The following ADRA2A variants were observed in gnomAD, a reference collection of about 807,000 sequenced individuals.
ADRA2A encodes adrenoceptor alpha 2A.
Under a neutral mutation model 5.9 loss-of-function variants are expected in ADRA2A, and 6 were observed. The observed-to-expected ratio is 1.01, with a 90% CI of 0.55 to 2.00. The LOEUF is 2.00. Ranked by LOEUF, ADRA2A falls within the 30% of genes most tolerant of loss-of-function variation. The pLI is 0.00. For synonymous variants in ADRA2A, 345 were observed against 325.9 expected, an observed-to-expected ratio of 1.06 and a Z score of -0.63; for missense variants, 647 against 690.0, an observed-to-expected ratio of 0.94 and a Z score of 0.70.
In ADRA2A at chr10:111,079,198, G is replaced by A. The variant is rs767408029; in HGVS notation, c.1202G>A (p.Cys401Tyr). 1.2e-6 allele frequency: 2 copies of A among 1,613,934 alleles called. No individual in the cohort carries two copies. The highest frequency in any genetic ancestry group is 1.7e-5 in the Admixed American group (1 of 60,014). The change falls in exon 1 of 1, where the codon TGC becomes TAC. Residue 401 changes from cysteine (C) to tyrosine (Y), a missense_variant. This residue lies in a region of ADRA2A where 577 missense variants were observed against 605.4 expected (regional missense o/e 0.95). Transcript: ENST00000280155. ...LAVVIGVFVV[C>Y]WFPFFFTYTL... ...GTGGTCATCGGAGTGTTCGTGGTGT[G>A]CTGGTTCCCCTTCTTCTTCACCTAC...
chr10:111,079,408 G>A lies in ADRA2A; in HGVS notation c.*14G>A. 2 of 1,612,974 alleles carry A rather than the reference G, an allele frequency of 1.2e-6. No homozygotes were observed. The highest frequency in any genetic ancestry group is 1.7e-6 in the Non-Finnish European group (2 of 1,179,640). ...CGGATCGTGTGAGGTTTCCGCTGGCGCCCGCGTAGACTCACGCTGACTGCA... is the reference window on the plus strand; with the variant it reads ...CGGATCGTGTGAGGTTTCCGCTGGCACCCGCGTAGACTCACGCTGACTGCA... On this transcript the variant is annotated 3_prime_UTR_variant, in exon 1 of 1. Coordinates refer to ENST00000280155, the MANE Select transcript of ADRA2A (RefSeq NM_000681.4).
chr10:111,079,207 CCTT>C lies in ADRA2A; in HGVS notation c.1219_1221del (p.Phe407del), dbSNP rs754345248. On this transcript the variant is annotated inframe_deletion, in exon 1 of 1. Transcript: ENST00000280155. ...GGAGTGTTCGTGGTGTGCTGGTTCC[CCTT>C]CTTCTTCACCTACACGCTCACGGCC... 9.3e-6 allele frequency: 15 copies of C among 1,613,952 alleles called. No individual in the cohort carries two copies. The highest frequency in any genetic ancestry group is 1.3e-5 in the African/African-American group (1 of 74,936).
Position 111,078,566 on chromosome 10 carries a change from G to GGGCGGC in ADRA2A, c.580_585dup (p.Gly194_Gly195dup), listed in dbSNP as rs763766164. ...CGCCGCTCATCTCCATCGAGAAGAAGGGCGGCGGCGGCGGCCCGCAGCCGG... is the reference window on the plus strand; with the variant it reads ...CGCCGCTCATCTCCATCGAGAAGAAGGGCGGCGGCGGCGGCGGCGGCCCGCAGCCGG... On this transcript the variant is annotated inframe_insertion, in exon 1 of 1. Transcript: ENST00000280155. 8.1e-6 allele frequency: 13 copies of GGGCGGC among 1,604,306 alleles called. No individual in the cohort carries two copies. The highest frequency in any genetic ancestry group is 8.5e-6 in the Non-Finnish European group (10 of 1,175,128).
In ADRA2A at chr10:111,078,130, T is replaced by C. The variant is rs1212376235; in HGVS notation, c.134T>C (p.Leu45Pro). Residue 45 changes from leucine (L) to proline (P), a missense_variant, in exon 1 of 1, where the codon CTG (leucine) becomes CCG (proline). Physicochemically the swap from Leu to Pro is moderately conservative, Grantham distance 98 (BLOSUM62 -3). This residue lies in a region of ADRA2A where 577 missense variants were observed against 605.4 expected (regional missense o/e 0.95). Coordinates refer to ENST00000280155, the MANE Select transcript of ADRA2A (RefSeq NM_000681.4). ...GGGARATPYSLQVTLTLVCLA... is the reference protein window; with the variant it reads ...GGGARATPYSPQVTLTLVCLA... ...GGCGCCCGGGCCACCCCTTACTCCC[T>C]GCAGGTGACGCTGACGCTGGTGTGC... 5 of 1,599,276 alleles carry C rather than the reference T, an allele frequency of 3.1e-6. No individual in the cohort carries two copies. In the African/African-American group the frequency reaches 6.7e-5, roughly 21 times the overall value.
At position 111,077,917 on chromosome 10, in the gene ADRA2A, GC is replaced by G; in HGVS notation, c.-78del. Reference sequence around the variant, plus strand: ...TGAGCCGCAGCCAGGCGAGCGGGGCGCCGGAGGAAGAGGAGGACCCACGGGC... The same window carrying G: ...TGAGCCGCAGCCAGGCGAGCGGGGCGCGGAGGAAGAGGAGGACCCACGGGC... On this transcript the variant is annotated 5_prime_UTR_variant, in exon 1 of 1. Coordinates refer to ENST00000280155, the MANE Select transcript of ADRA2A (RefSeq NM_000681.4). 7.6e-7 allele frequency: 1 copy of G among 1,320,022 alleles called. No homozygotes were observed. Among genetic ancestry groups the G allele is most frequent in the Non-Finnish European group, 9.6e-7 (1 of 1,043,064 alleles). 81.8% of individuals were successfully genotyped at this position (1,320,022 alleles called of 1,614,324 possible).
rs2134207963 is a variant in ADRA2A, at chr10:111,077,859, C to T, written c.-138C>T. 8.0e-7 allele frequency: 1 copy of T among 1,255,430 alleles called. No individual in the cohort carries two copies. Among genetic ancestry groups the T allele is most frequent in the Non-Finnish European group, 1.0e-6 (1 of 999,664 alleles). The allele number at this position is 1,255,430 out of a possible 1,614,324, so 77.8% of individuals were successfully genotyped here. On this transcript the variant is annotated 5_prime_UTR_variant, in exon 1 of 1. Transcript: ENST00000280155. ...ATGGGCCGCTAGCGGTCCTCCAGTT[C>T]GGGCCCGGCCTCCCTGCGGCCCCCT... is the stretch of plus-strand genomic sequence containing the variant.
chr10:111,078,715 G>T lies in ADRA2A; in HGVS notation c.719G>T (p.Arg240Leu), dbSNP rs375615894. The stretch of plus-strand genomic sequence containing the variant: ...GTGCGCATCTACCAGATCGCCAAGC[G>T]TCGCACCCGCGTGCCACCCAGCCGC... ...VYVRIYQIAK[R>L]RTRVPPSRRG... The change falls in exon 1 of 1, where the codon CGT becomes CTT. Residue 240 changes from arginine to leucine, a missense_variant. This residue lies in a region of ADRA2A where 577 missense variants were observed against 605.4 expected (regional missense o/e 0.95). Transcript: ENST00000280155. 7 of 1,517,636 alleles carry T rather than the reference G, an allele frequency of 4.6e-6. No homozygotes were observed. Among genetic ancestry groups the T allele is most frequent in the Non-Finnish European group, 6.2e-6 (7 of 1,137,598 alleles). The allele number at this position is 1,517,636 out of a possible 1,614,324, so 94.0% of individuals were successfully genotyped here.
rs1331387800 is a variant in ADRA2A, at chr10:111,078,275, C to T, written c.279C>T (p.Ala93=). The T allele has an allele frequency of 1.3e-5, 21 of 1,613,774 alleles. No individual in the cohort carries two copies. The highest frequency in any genetic ancestry group is 8.0e-5 in the African/African-American group (6 of 74,930). The change falls in exon 1 of 1, where the codon GCC becomes GCT. Residue 93 remains alanine (A), a synonymous_variant. Coordinates refer to ENST00000280155, the MANE Select transcript of ADRA2A (RefSeq NM_000681.4). ...TCTTCCTGGTGTCTCTGGCCTCGGC[C>T]GACATCCTGGTGGCCACGCTCGTCA... is the stretch of plus-strand genomic sequence containing the variant. ...QNLFLVSLAS[A]DILVATLVIP...
chr10:111,079,694 G>C lies in ADRA2A; in HGVS notation c.*300G>C. On this transcript the variant is annotated 3_prime_UTR_variant, in exon 1 of 1. Transcript: ENST00000280155. ...AAGGTATTTTCACCCTCTTCGCCTG[G>C]TACAGCCCTCACAGCTCTTCAGAGC... 1 of 481,462 alleles carries C rather than the reference G, an allele frequency of 2.1e-6. No individual in the cohort carries two copies. Among genetic ancestry groups the C allele is most frequent in the Non-Finnish European group, 3.9e-6 (1 of 258,424 alleles). The allele number at this position is 481,462 out of a possible 1,614,324, so 29.8% of individuals were successfully genotyped here.
chr10:111,078,155 C>T lies in ADRA2A; in HGVS notation c.159C>T (p.Cys53=), dbSNP rs763706217. The part of the protein sequence containing the change: ...YSLQVTLTLV[C]LAGLLMLLTV... ...TGCAGGTGACGCTGACGCTGGTGTGCCTGGCCGGCCTGCTCATGCTGCTCA... is the reference window on the plus strand; with the variant it reads ...TGCAGGTGACGCTGACGCTGGTGTGTCTGGCCGGCCTGCTCATGCTGCTCA... The change falls in exon 1 of 1, where the codon TGC becomes TGT. Residue 53 remains cysteine, a synonymous_variant. Transcript: ENST00000280155. 72 of 1,608,424 alleles carry T rather than the reference C, an allele frequency of 4.5e-5. 1 individual carries two copies. The South Asian group carries it at 6.2e-4, about 14-fold the overall frequency.
chr10:111,079,689 G>A lies in ADRA2A; in HGVS notation c.*295G>A, dbSNP rs891179555. On this transcript the variant is annotated 3_prime_UTR_variant, in exon 1 of 1. Transcript: ENST00000280155. ...TCCTAAAGGTATTTTCACCCTCTTC[G>A]CCTGGTACAGCCCTCACAGCTCTTC... The A allele has an allele frequency of 8.1e-6, 4 of 496,074 alleles. No individual in the cohort carries two copies. The highest frequency in any genetic ancestry group is 1.1e-5 in the Non-Finnish European group (3 of 266,446). 30.7% of individuals were successfully genotyped at this position (496,074 alleles called of 1,614,324 possible). A position where few individuals can be genotyped will look rare whatever the true frequency, so the allele number is the denominator to read the frequency against.
In ADRA2A at chr10:111,078,887, G is replaced by C; in HGVS notation, c.891G>C (p.Pro297=). The change falls in exon 1 of 1, where the codon CCG becomes CCC. Residue 297 remains proline, a synonymous_variant. Coordinates refer to ENST00000280155, the MANE Select transcript of ADRA2A (RefSeq NM_000681.4). ...ACGGCGCCCCTGGCGAGCCCGCGCC[G>C]GCCGGGCCGCGCGACACCGACGCGC... ...QLNGAPGEPA[P]AGPRDTDALD... The C allele has an allele frequency of 2.5e-6, 3 of 1,202,978 alleles. No individual in the cohort carries two copies. The highest frequency in any genetic ancestry group is 3.7e-5 in the East Asian group (1 of 26,762). 74.5% of individuals were successfully genotyped at this position (1,202,978 alleles called of 1,614,324 possible). A position where few individuals can be genotyped will look rare whatever the true frequency, so the allele number is the denominator to read the frequency against.
chr10:111,078,619 A>G lies in ADRA2A; in HGVS notation c.623A>G (p.Gln208Arg). The stretch of plus-strand genomic sequence containing the variant: ...GAGCCGCGCTGCGAGATCAACGACC[A>G]GAAGTGGTACGTCATCTCGTCGTGC... Reference protein sequence around the residue: ...PAEPRCEINDQKWYVISSCIG... With the variant: ...PAEPRCEINDRKWYVISSCIG... Residue 208 changes from glutamine (Q) to arginine (R), a missense_variant, in exon 1 of 1, where the codon CAG becomes CGG. Transcript: ENST00000280155. 4 of 1,597,350 alleles carry G rather than the reference A, an allele frequency of 2.5e-6. No homozygotes were observed. The highest frequency in any genetic ancestry group is 1.1e-5 in the South Asian group (1 of 89,288).
rs200592713 is a variant in ADRA2A, at chr10:111,078,579, G to A, written c.583G>A (p.Gly195Ser). Reference sequence around the variant, plus strand: ...CATCGAGAAGAAGGGCGGCGGCGGCGGCCCGCAGCCGGCCGAGCCGCGCTG... The same window carrying A: ...CATCGAGAAGAAGGGCGGCGGCGGCAGCCCGCAGCCGGCCGAGCCGCGCTG... ...ISIEKKGGGG[G>S]PQPAEPRCEI... Residue 195 changes from glycine (G) to serine (S), a missense_variant, in exon 1 of 1, where the codon GGC (glycine) becomes AGC (serine). This residue lies in a region of ADRA2A where 577 missense variants were observed against 605.4 expected (regional missense o/e 0.95). Coordinates refer to ENST00000280155, the MANE Select transcript of ADRA2A (RefSeq NM_000681.4). 403 of 1,598,226 alleles carry A rather than the reference G, an allele frequency of 2.5e-4. 2 individuals carry two copies. Among genetic ancestry groups the A allele is most frequent in the Middle Eastern group, 1.7e-3 (10 of 6,028 alleles).
In ADRA2A at chr10:111,078,128, C is replaced by A. The variant is rs1157774311; in HGVS notation, c.132C>A (p.Ser44=). ...PGGGARATPY[S]LQVTLTLVCL... Reference sequence around the variant, plus strand: ...GCGGCGCCCGGGCCACCCCTTACTCCCTGCAGGTGACGCTGACGCTGGTGT... The same window carrying A: ...GCGGCGCCCGGGCCACCCCTTACTCACTGCAGGTGACGCTGACGCTGGTGT... The change falls in exon 1 of 1, where the codon TCC becomes TCA. Residue 44 remains serine (S), a synonymous_variant. Transcript: ENST00000280155. 4 of 1,598,044 alleles carry A rather than the reference C, an allele frequency of 2.5e-6. No homozygotes were observed. Among genetic ancestry groups the A allele is most frequent in the Non-Finnish European group, 3.4e-6 (4 of 1,175,270 alleles).
chr10:111,077,820 G>A lies in ADRA2A; in HGVS notation c.-177G>A. On this transcript the variant is annotated 5_prime_UTR_variant, in exon 1 of 1. Coordinates refer to ENST00000280155, the MANE Select transcript of ADRA2A (RefSeq NM_000681.4). ...CTGAAGCGCGAGCCAGGCGCAGTTC[G>A]CGGGACCCGGGCCATGGGCCGCTAG... The A allele has an allele frequency of 9.6e-7, 1 of 1,039,670 alleles. No homozygotes were observed. Among genetic ancestry groups the A allele is most frequent in the Non-Finnish European group, 1.2e-6 (1 of 812,134 alleles). The allele number at this position is 1,039,670 out of a possible 1,614,324, so 64.4% of individuals were successfully genotyped here. A position where few individuals can be genotyped will look rare whatever the true frequency, so the allele number is the denominator to read the frequency against.
chr10:111,077,099 C>T lies in ADRA2A; in HGVS notation c.-898C>T, dbSNP rs569221116. On this transcript the variant is annotated 5_prime_UTR_variant, in exon 1 of 1. Coordinates refer to ENST00000280155, the MANE Select transcript of ADRA2A (RefSeq NM_000681.4). ...TGCCGCCGCCCGGCCACTCCAGCGC[C>T]TTCTTCCCCGCCTTGCGCTCCTGCC... 6.5e-6 allele frequency: 1 copy of T among 153,132 alleles called. No individual in the cohort carries two copies. Among genetic ancestry groups the T allele is most frequent in the South Asian group, 2.1e-4 (1 of 4,840 alleles). 9.5% of individuals were successfully genotyped at this position (153,132 alleles called of 1,614,324 possible). A position where few individuals can be genotyped will look rare whatever the true frequency, so the allele number is the denominator to read the frequency against.
chr10:111,079,347 G>T lies in ADRA2A; in HGVS notation c.1351G>T (p.Ala451Ser). The T allele has an allele frequency of 6.2e-7, 1 of 1,614,112 alleles. No homozygotes were observed. The highest frequency in any genetic ancestry group is 8.5e-7 in the Non-Finnish European group (1 of 1,180,030). Residue 451 changes from alanine to serine, a missense_variant, in exon 1 of 1, where the codon GCC (alanine) becomes TCC (serine). By Grantham distance (99) the Ala-to-Ser change is moderately conservative. Coordinates refer to ENST00000280155, the MANE Select transcript of ADRA2A (RefSeq NM_000681.4). The part of the protein sequence containing the change: ...YTIFNHDFRR[A>S]FKKILCRGDR... Reference sequence around the variant, plus strand: ...CATCTTCAACCACGATTTCCGCCGCGCCTTCAAGAAGATCCTCTGTCGGGG... The same window carrying T: ...CATCTTCAACCACGATTTCCGCCGCTCCTTCAAGAAGATCCTCTGTCGGGG...
Position 111,079,483 on chromosome 10 carries a change from C to T in ADRA2A, c.*89C>T. 2.8e-6 allele frequency: 4 copies of T among 1,408,404 alleles called. No individual in the cohort carries two copies. The highest frequency in any genetic ancestry group is 1.8e-5 in the Admixed American group (1 of 54,210). The allele number at this position is 1,408,404 out of a possible 1,614,324, so 87.2% of individuals were successfully genotyped here. ...CTTAGCCCCAGGGCACTCAGAAACC[C>T]GGGCGCTGCCTGCTCTGCGTTTCCT... On this transcript the variant is annotated 3_prime_UTR_variant, in exon 1 of 1. Coordinates refer to ENST00000280155, the MANE Select transcript of ADRA2A (RefSeq NM_000681.4).
Sources: gnomAD v4.1 joint callset for allele counts on GRCh38, gnomAD v4.1.1 for gene constraint, gnomAD v4.1.1 regional missense constraint, MANE v1.5 for transcripts, NCBI Gene and HGNC (gene_info 2026-07-23, HGNC 2026-07-21) for gene names.